Variants in ORMDL1 observed in about 807,000 individuals in gnomAD.
ORMDL1 encodes the protein ORMDL sphingolipid biosynthesis regulator 1, also known as ORM1-like protein 1.
In ORMDL1, 10 loss-of-function variants were observed where a neutral mutation model predicts 13.0. The ratio of observed to expected loss-of-function variants is 0.77; its 90% confidence interval spans 0.47 to 1.30. The LOEUF is 1.30. ORMDL1 is among the 50% of genes most tolerant of loss of function. ORMDL1 has a pLI of 0.00. For synonymous variants in ORMDL1, 61 were observed against 63.9 expected, an observed-to-expected ratio of 0.95 and a Z score of 0.22; for missense variants, 171 against 186.7, an observed-to-expected ratio of 0.92 and a Z score of 0.49.
chr2:189,774,403 C>T (rs763244133), intron 4 of ORMDL1, among the ~76,000 whole-genome samples: 14 of 152,106 alleles, frequency 9.2e-5, no homozygotes, highest in Non-Finnish European at 4.4e-5. Flanking sequence ...AAAAAGAACC[C>T]CATTATTTTA....
Position 189,775,136 on chromosome 2 carries a change from C to T in ORMDL1, c.326+429G>A, listed in dbSNP as rs76405401. 8.1e-3 allele frequency: 1,245 copies of T among 153,420 alleles called. 13 individuals are homozygous for T. Among genetic ancestry groups the T allele is most frequent in the South Asian group, 0.02 (99 of 4,880 alleles). The allele number at this position is 153,420 out of a possible 1,614,324, so 9.5% of individuals were successfully genotyped here. A position where few individuals can be genotyped will look rare whatever the true frequency, so the allele number is the denominator to read the frequency against. On this transcript the variant is annotated intron_variant, in intron 4 of 4. Transcript: ENST00000392349. ...TAATGAAAGCCTGACCTACTTTTTT[C>T]GAAACCATACTCTTTCCCAAGGAGT... is the stretch of plus-strand genomic sequence containing the variant.
intron 3 of ORMDL1, 118 bp downstream of exon 3, chr2:189,782,304 G>T: frequency 5.6e-6 from 5 of 891,930 alleles, no homozygotes; most frequent in Non-Finnish European, 6.7e-6. Flanking sequence ...TCTTCATCTT[G>T]CAAAACCAAA....
rs762869810 is a variant in ORMDL1 at position 189,775,714 on chromosome 2, C to T, written c.177G>A (p.Gly59=). The change falls in exon 4 of 5, where the codon GGG becomes GGA. Residue 59 remains glycine (G), a splice_region_variant and synonymous_variant. Coordinates refer to ENST00000392349, the MANE Select transcript of ORMDL1 (RefSeq NM_016467.5). ...TCACTGCATGCAAAAATACGTACAT[C>T]CCCTGGAAAACAAGCAAGGGGTTAT... ...WTLTNIIHNL[G]MYVFLHAVKG... is the part of the protein sequence containing the mutation. 14 of 1,611,262 alleles carry T rather than the reference C, an allele frequency of 8.7e-6. No homozygotes were observed. Among genetic ancestry groups the T allele is most frequent in the Non-Finnish European group, 1.2e-5 (14 of 1,179,120 alleles).
intron 3 of ORMDL1, among the ~76,000 whole-genome samples, chr2:189,781,510 G>GT (rs1359806857): frequency 6.6e-6 from 1 of 152,058 alleles, no homozygotes; most frequent in Non-Finnish European, 1.5e-5. Flanking sequence ...ACACAAGAGA[G>GT]TAACAAGCAG....
At chr2:189,766,391 G>A (rs952194873), downstream of ORMDL1, among the ~76,000 whole-genome samples, 2 of 152,180 alleles carry the variant, frequency 1.3e-5, no homozygotes, top group Non-Finnish European at 2.9e-5. Flanking sequence ...TCTAGCTCCA[G>A]AACCTTTTCA....
At chr2:189,775,879 TAATAA>T (rs1470828590) in intron 3 of ORMDL1, among the ~76,000 whole-genome samples, 163 bp from the exon 4 acceptor site, 1 of 152,210 alleles carries the variant, frequency 6.6e-6, no homozygotes, top group African/African-American at 2.4e-5. Context: ...AGTTTCTTTA[TAATAA>T]AATAGAACTT....
chr2:189,778,310 G>T, intron 3 of ORMDL1: 1 of 436,268 alleles, frequency 2.3e-6, no homozygotes, highest in Non-Finnish European at 4.6e-6. Context: ...CAGGAGAATC[G>T]CTTGAACCCA....
At chr2:189,778,093 A>G in intron 3 of ORMDL1, 2 of 437,966 alleles carry the variant, frequency 4.6e-6, no homozygotes, top group South Asian at 3.3e-5. Context: ...AAACACGGTT[A>G]GGGGGTGGTG....
downstream of ORMDL1, among the ~76,000 whole-genome samples, chr2:189,765,792 C>A (rs116788145): frequency 0.012 from 1,859 of 148,908 alleles, 30 homozygotes; most frequent in Admixed American, 0.015. Context: ...GTCTTACATT[C>A]TTTGACTTGG....
rs551774070 is a variant in ORMDL1, at chr2:189,784,330, A to C, written c.-179T>G. The stretch of plus-strand genomic sequence containing the variant: ...ACCAGCCCGGCTGCTACGGCCGCGG[A>C]TACACGCCCTCAGGCCCGGCGCTGC... On this transcript the variant is annotated 5_prime_UTR_variant, in exon 1 of 5. Coordinates refer to ENST00000392349, the MANE Select transcript of ORMDL1 (RefSeq NM_016467.5). 6 of 152,378 alleles carry C rather than the reference A, an allele frequency of 3.9e-5. No homozygotes were observed. In the East Asian group the frequency reaches 9.7e-4, roughly 25 times the overall value. The allele number at this position is 152,378 out of a possible 1,614,324, so 9.4% of individuals were successfully genotyped here.
intron 3 of ORMDL1, among the ~76,000 whole-genome samples, chr2:189,777,189 T>A (rs899487185): frequency 5.6e-4 from 85 of 152,230 alleles, no homozygotes; most frequent in African/African-American, 2.0e-3. Flanking sequence ...TGATGTTTGT[T>A]TTCCCATTAG....
downstream of ORMDL1, among the ~76,000 whole-genome samples, chr2:189,768,400 T>C (rs1403328391): frequency 6.6e-6 from 1 of 152,230 alleles, no homozygotes; most frequent in African/African-American, 2.4e-5. Flanking sequence ...ATGACTAGCA[T>C]GAGGCTATTT....
intron 4 of ORMDL1, among the ~76,000 whole-genome samples, chr2:189,772,712 A>G (rs1415161363): frequency 6.6e-6 from 1 of 152,244 alleles, no homozygotes; most frequent in Non-Finnish European, 1.5e-5. Context: ...TTCATAATTA[A>G]GAAGTTAGTT....
downstream of ORMDL1, among the ~76,000 whole-genome samples, chr2:189,769,292 CAGG>C (rs1455558952): frequency 5.3e-5 from 8 of 151,948 alleles, no homozygotes; most frequent in East Asian, 9.7e-4. Context: ...GAGGCTGAGG[CAGG>C]AGAATTGCTT....
chr2:189,773,826 T>A (rs2047634059), intron 4 of ORMDL1: 1 of 151,906 alleles, frequency 6.6e-6, no homozygotes, highest in Non-Finnish European at 1.5e-5. Context: ...GCTATATAGA[T>A]GGCTTTAATG....
At chr2:189,766,293 A>G (rs1341691096), downstream of ORMDL1, among the ~76,000 whole-genome samples, 1 of 152,238 alleles carries the variant, frequency 6.6e-6, no homozygotes, top group Non-Finnish European at 1.5e-5. Context: ...TTATTGTGGT[A>G]GAATTTACAT....
downstream of ORMDL1, among the ~76,000 whole-genome samples, chr2:189,765,839 A>ATTTTTTT (rs72132150): frequency 9.4e-6 from 1 of 106,750 alleles, no homozygotes. Flanking sequence ...TACTTTCTCC[A>ATTTTTTT]TTTTTTTTTT....
intron 3 of ORMDL1, chr2:189,778,532 T>C (rs2047750881): frequency 2.3e-6 from 1 of 436,094 alleles, no homozygotes; most frequent in Admixed American, 2.5e-5. Flanking sequence ...GGGAGTTGTG[T>C]AGATTCCTGG....
chr2:189,763,994 T>C, the ORMDL1 span: 4 of 152,256 alleles, frequency 2.6e-5, no homozygotes, highest in Non-Finnish European at 5.9e-5. Flanking sequence ...AAATAGTTTC[T>C]GTCCTCATTT....
Sources: gnomAD v4.1 joint callset for allele counts (sites outside exome capture counted in the v4.1 genomes callset) on GRCh38, gnomAD v4.1.1 for gene constraint, MANE v1.5 for transcripts, NCBI Gene and HGNC (gene_info 2026-07-23, HGNC 2026-07-21) for gene names.